FAM107B: variants seen among roughly 807,000 people sequenced by gnomAD.
The protein encoded by FAM107B is protein FAM107B.
Under a neutral mutation model 31.5 loss-of-function variants are expected in FAM107B, and 21 were observed. That is an observed-to-expected ratio of 0.67 (90% CI 0.47 to 0.96). The LOEUF is 0.96. Ranked by LOEUF, FAM107B falls within the 40% of genes least tolerant of loss-of-function variation. The pLI is 0.00. For missense variants in FAM107B, 452 were observed against 377.1 expected (o/e 1.20, Z -1.64); for synonymous variants, 157 against 141.5 (o/e 1.11, Z -0.78).
At chr10:14,538,124 C>A (rs1306077144) in intron 2 of FAM107B, among the ~76,000 whole-genome samples, 3 of 152,152 alleles carry the variant, frequency 2.0e-5, no homozygotes, top group Admixed American at 2.0e-4. Context: ...TGTCTCTCAA[C>A]AGGACTTTAG....
intron 1 of FAM107B, among the ~76,000 whole-genome samples, chr10:14,758,618 G>A (rs1011482183): frequency 2.0e-5 from 3 of 152,170 alleles, no homozygotes; most frequent in Non-Finnish European, 4.4e-5. Flanking sequence ...AGTAGAGCAT[G>A]GCACAGGTGG....
chr10:14,558,028 C>A (rs944414728), intron 2 of FAM107B, among the ~76,000 whole-genome samples: 6 of 152,232 alleles, frequency 3.9e-5, no homozygotes, highest in African/African-American at 1.4e-4. Flanking sequence ...GTCTTTTGAG[C>A]TCCTCCCCGT....
At chr10:14,531,539 GA>G (rs59782461) in intron 2 of FAM107B, among the ~76,000 whole-genome samples, 2,266 of 120,626 alleles carry the variant, frequency 0.019, 35 homozygotes, top group African/African-American at 0.051. Flanking sequence ...TAAAAGAAAA[GA>G]AAAAAAAAAA....
At chr10:14,539,772 A>G (rs1847992277) in intron 2 of FAM107B, among the ~76,000 whole-genome samples, 2 of 152,184 alleles carry the variant, frequency 1.3e-5, no homozygotes, top group Non-Finnish European at 2.9e-5. Context: ...TTGTCTTGGC[A>G]AGAGGCTGAT....
intron 1 of FAM107B, among the ~76,000 whole-genome samples, chr10:14,771,361 G>A (rs766594058): frequency 2.0e-5 from 3 of 152,166 alleles, no homozygotes; most frequent in Non-Finnish European, 2.9e-5. Context: ...AAGAGGAGTT[G>A]GTTACTGGAT....
At chr10:14,739,180 TACGTAAAGTGATC>T (rs1856379196) in intron 1 of FAM107B, among the ~76,000 whole-genome samples, 1 of 152,168 alleles carries the variant, frequency 6.6e-6, no homozygotes. Flanking sequence ...CACATCCCAT[TACGTAAAGTGATC>T]ACAGGGTGGC....
chr10:14,730,333 C>T (rs1588737855), intron 1 of FAM107B, among the ~76,000 whole-genome samples: 1 of 152,210 alleles, frequency 6.6e-6, no homozygotes, highest in Middle Eastern at 3.4e-3. Flanking sequence ...AGACGAGAAC[C>T]ACTGAACTAT....
At position 14,547,446 on chromosome 10, in the gene FAM107B, A is replaced by T. The variant is rs117716559; in HGVS notation, c.470-16931T>A. On this transcript the variant is annotated intron_variant, in intron 2 of 4. Transcript: ENST00000181796. Reference sequence around the variant, plus strand: ...TCAAACAGGTTTGTTTCTACAGAAGAATATGTTCTAACTTCCAACCACTCA... The same window carrying T: ...TCAAACAGGTTTGTTTCTACAGAAGTATATGTTCTAACTTCCAACCACTCA... Among the ~76,000 whole-genome samples, 563 of 152,280 alleles carry T rather than the reference A, an allele frequency of 3.7e-3. 11 individuals are homozygous for T. Among genetic ancestry groups the T allele is most frequent in the Admixed American group, 0.018 (271 of 15,300 alleles).
At chr10:14,572,077 A>C in intron 2 of FAM107B, 1 of 985,468 alleles carries the variant, frequency 1.0e-6, no homozygotes, top group Non-Finnish European at 1.2e-6. Context: ...CTCTTTCTGG[A>C]TATCAAAAGA....
At chr10:14,587,482 A>T (rs527704780) in intron 2 of FAM107B, among the ~76,000 whole-genome samples, 5 of 152,232 alleles carry the variant, frequency 3.3e-5, no homozygotes, top group Non-Finnish European at 7.3e-5. Context: ...ATAAATGCCT[A>T]GGCTTATTTT....
intron 1 of FAM107B, among the ~76,000 whole-genome samples, chr10:14,693,449 G>A (rs1855192103): frequency 6.7e-6 from 1 of 149,244 alleles, no homozygotes; most frequent in Non-Finnish European, 1.5e-5. Flanking sequence ...CTGCACTCCA[G>A]CCTCGGCGAC....
At chr10:14,558,037 G>C (rs1319715953) in intron 2 of FAM107B, among the ~76,000 whole-genome samples, 1 of 152,178 alleles carries the variant, frequency 6.6e-6, no homozygotes, top group Non-Finnish European at 1.5e-5. Flanking sequence ...GCTCCTCCCC[G>C]TGAGTCCAGG....
chr10:14,582,826 C>G (rs1564585976), intron 2 of FAM107B, among the ~76,000 whole-genome samples: 2 of 152,056 alleles, frequency 1.3e-5, no homozygotes, highest in Non-Finnish European at 2.9e-5. Context: ...TGGCTTACGC[C>G]TATAATCCCA....
At chr10:14,643,410 A>AT (rs202127820) in intron 2 of FAM107B, among the ~76,000 whole-genome samples, 9,365 of 140,258 alleles carry the variant, frequency 0.067, 312 homozygotes, top group African/African-American at 0.08. Context: ...GGTCAGTCTA[A>AT]TTTTTTTTTT....
intron 3 of FAM107B, among the ~76,000 whole-genome samples, chr10:14,522,445 AC>A (rs1281020935): frequency 6.8e-6 from 1 of 147,944 alleles, no homozygotes; most frequent in Admixed American, 6.7e-5. Context: ...ACAGAGTCTC[AC>A]TCTGTCACCC....
chr10:14,586,463 G>T (rs889584198), intron 2 of FAM107B, among the ~76,000 whole-genome samples: 1 of 152,048 alleles, frequency 6.6e-6, no homozygotes, highest in African/African-American at 2.4e-5. Context: ...TAATCCCAAC[G>T]TGATGATATT....
intron 1 of FAM107B, among the ~76,000 whole-genome samples, chr10:14,759,887 T>C (rs1311764795): frequency 6.6e-6 from 1 of 152,128 alleles, no homozygotes; most frequent in African/African-American, 2.4e-5. Flanking sequence ...AACTTATGTA[T>C]TTTTAGTAGA....
intron 2 of FAM107B, among the ~76,000 whole-genome samples, chr10:14,558,036 C>T (rs1466162327): frequency 4.6e-5 from 7 of 152,218 alleles, no homozygotes; most frequent in Admixed American, 3.9e-4. Context: ...AGCTCCTCCC[C>T]GTGAGTCCAG....
chr10:14,619,090 G>A (rs1166591170), intron 2 of FAM107B, among the ~76,000 whole-genome samples: 1 of 152,156 alleles, frequency 6.6e-6, no homozygotes, highest in Non-Finnish European at 1.5e-5. Context: ...AACCTTCAGA[G>A]GGAGCTTCAG....
Sources: allele counts gnomAD v4.1 joint callset (sites outside exome capture counted in the v4.1 genomes callset), GRCh38; gene constraint gnomAD v4.1.1; transcripts MANE v1.5; gene names NCBI Gene and HGNC (gene_info 2026-07-23, HGNC 2026-07-21).